DIAPH2: variants seen among roughly 807,000 people sequenced by gnomAD.
DIAPH2 encodes the protein protein diaphanous homolog 2.
A neutral mutation model predicts 92.7 loss-of-function variants in DIAPH2; 35 were observed. The ratio of observed to expected loss-of-function variants is 0.38; its 90% CI spans 0.29 to 0.50. The LOEUF (loss-of-function observed/expected upper bound fraction) is 0.50. Among genes scored for constraint, DIAPH2 ranks in the 20% least tolerant of loss-of-function variants. The probability of loss-of-function intolerance (pLI) is 0.94; values close to 1 mark genes in which losing one functional copy is unlikely to be tolerated. For synonymous variants in DIAPH2, 301 were observed against 280.4 expected (o/e 1.07, Z -0.73); for missense variants, 701 against 819.5 (o/e 0.86, Z 1.77).
At chrX:96,900,213 G>A (rs1229531475) in intron 5 of DIAPH2, among the ~76,000 whole-genome samples, 2 of 111,643 alleles carry the variant, frequency 1.8e-5, no homozygotes, top group Non-Finnish European at 3.8e-5. Flanking sequence ...ATATTCCTGA[G>A]TGCTTTTTTG....
At chrX:97,396,341 C>G (rs1225254680) in intron 25 of DIAPH2, among the ~76,000 whole-genome samples, 1 of 110,991 alleles carries the variant, frequency 9.0e-6, no homozygotes, top group East Asian at 2.8e-4. Context: ...ATTGAATTCC[C>G]GAGCCCCTGG....
intron 17 of DIAPH2, among the ~76,000 whole-genome samples, chrX:96,972,447 T>C (rs1376592019): frequency 8.9e-6 from 1 of 111,949 alleles, no homozygotes; most frequent in Non-Finnish European, 1.9e-5. Flanking sequence ...AAACAGATTA[T>C]TTCTGTTGTA....
At chrX:97,518,585 G>A (rs1455692745) in intron 26 of DIAPH2, among the ~76,000 whole-genome samples, 1 of 109,059 alleles carries the variant, frequency 9.2e-6, no homozygotes, top group Non-Finnish European at 1.9e-5. Flanking sequence ...TATATATATA[G>A]TTTTTTCCAT....
In DIAPH2 at chrX:96,713,713, A is replaced by T. The variant is rs771553200; in HGVS notation, c.133-22045A>T. ...TCTCTATAGTTTTGCCTTTTCCAGA[A>T]TGACATATAGTTGGAATGATAGAGT... is the stretch of plus-strand genomic sequence containing the variant. On this transcript the variant is annotated intron_variant, in intron 1 of 26. Coordinates refer to ENST00000324765, the MANE Select transcript of DIAPH2 (RefSeq NM_006729.5). Among the ~76,000 whole-genome samples the T allele has an allele frequency of 3.6e-5, 4 of 111,861 alleles. No homozygotes were observed. The South Asian group carries it at 1.5e-3, about 43-fold the overall frequency.
chrX:96,895,956 T>A (rs185626024), intron 5 of DIAPH2, among the ~76,000 whole-genome samples: 1 of 111,780 alleles, frequency 8.9e-6, no homozygotes, highest in East Asian at 2.8e-4. Context: ...TTTTTCAAAC[T>A]GATTCCTAAT....
At chrX:97,161,094 G>C (rs1217665788) in intron 22 of DIAPH2, among the ~76,000 whole-genome samples, 7 of 102,164 alleles carry the variant, frequency 6.9e-5, no homozygotes, top group African/African-American at 2.1e-4. Context: ...ATAGTGGCGG[G>C]ATGCAGCCGG....
In DIAPH2 at chrX:97,601,287, A is replaced by AGC. The variant is rs2071593918; in HGVS notation, c.*1970_*1971insGC. The AGC allele has an allele frequency of 8.9e-6, 1 of 112,124 alleles. No homozygotes were observed. The highest frequency in any genetic ancestry group is 1.9e-5 in the Non-Finnish European group (1 of 53,120). 9.2% of individuals were successfully genotyped at this position (112,124 alleles called of 1,213,427 possible). The stretch of plus-strand genomic sequence containing the variant: ...TTGGGAGCATATGCCTTGCTATATT[A>AGC]TCAAGCTGGTCAAGGTAGAAATACT... On this transcript the variant is annotated 3_prime_UTR_variant, in exon 27 of 27. Coordinates refer to ENST00000324765, the MANE Select transcript of DIAPH2 (RefSeq NM_006729.5).
intron 4 of DIAPH2, among the ~76,000 whole-genome samples, chrX:96,788,424 A>C (rs761576488): frequency 6.2e-5 from 7 of 112,006 alleles, no homozygotes; most frequent in African/African-American, 1.9e-4. Flanking sequence ...AGGGTTTGAT[A>C]CTTAGTTGTT....
intron 22 of DIAPH2, among the ~76,000 whole-genome samples, chrX:97,167,232 CTT>C (rs113946170): frequency 3.7e-5 from 4 of 108,101 alleles, no homozygotes; most frequent in Non-Finnish European, 7.7e-5. Flanking sequence ...TATTCTGAAA[CTT>C]TTTTTTTTAT....
intron 7 of DIAPH2, among the ~76,000 whole-genome samples, chrX:96,915,433 CCATATATTTTCCTATTTAT>C (rs1174300489): frequency 2.8e-5 from 3 of 107,035 alleles, no homozygotes; most frequent in Non-Finnish European, 5.8e-5. Context: ...GGTCTTATCT[CCATATATTTTCCTATTTAT>C]TATGACCTGT....
intron 1 of DIAPH2, among the ~76,000 whole-genome samples, chrX:96,692,831 C>T (rs1042616155): frequency 3.6e-5 from 4 of 112,129 alleles, no homozygotes; most frequent in Non-Finnish European, 7.5e-5. Context: ...ATTCACACCC[C>T]ACCACAACAA....
chrX:97,117,326 T>C (rs938123397), intron 21 of DIAPH2, among the ~76,000 whole-genome samples: 1 of 112,054 alleles, frequency 8.9e-6, no homozygotes, highest in African/African-American at 3.2e-5. Flanking sequence ...CTTAGTTCTG[T>C]ATTATGTTTG....
At chrX:97,236,962 A>C (rs1236705457) in intron 22 of DIAPH2, among the ~76,000 whole-genome samples, 1 of 112,138 alleles carries the variant, frequency 8.9e-6, no homozygotes, top group East Asian at 2.8e-4. Flanking sequence ...TTGTCAAAAC[A>C]TTGTTTGACA....
chrX:96,858,563 T>C, intron 4 of DIAPH2, among the ~76,000 whole-genome samples: 1 of 112,077 alleles, frequency 8.9e-6, no homozygotes, highest in East Asian at 2.8e-4. Flanking sequence ...GGATTCACCA[T>C]GCAGGATGCT....
Position 97,157,041 on chromosome X carries a change from G to T in DIAPH2, c.2719+15247G>T, listed in dbSNP as rs754946953. ...AATTAATAATGTTTACTGGCCGGGC[G>T]CGGTGGCTCACGCCTGTAATCCCAG... On this transcript the variant is annotated intron_variant, in intron 22 of 26. Coordinates refer to ENST00000324765, the MANE Select transcript of DIAPH2 (RefSeq NM_006729.5). 3.6e-5 allele frequency among the ~76,000 whole-genome samples: 4 copies of T among 111,415 alleles called. No individual in the cohort carries two copies. The East Asian group carries it at 1.1e-3, about 32-fold the overall frequency.
intron 23 of DIAPH2, among the ~76,000 whole-genome samples, chrX:97,270,052 T>C (rs1009079680): frequency 9.0e-6 from 1 of 111,226 alleles, no homozygotes; most frequent in Non-Finnish European, 1.9e-5. Context: ...TGCCTCAGCC[T>C]CCTGAGTAGC....
intron 23 of DIAPH2, among the ~76,000 whole-genome samples, chrX:97,289,145 C>G (rs1008386767): frequency 8.1e-5 from 9 of 111,413 alleles, no homozygotes; most frequent in African/African-American, 2.9e-4. Context: ...AGAAATCTTG[C>G]TCTCTAAATT....
intron 24 of DIAPH2, among the ~76,000 whole-genome samples, chrX:97,349,669 T>C (rs1013583065): frequency 3.6e-5 from 4 of 111,169 alleles, no homozygotes; most frequent in Non-Finnish European, 5.6e-5. Flanking sequence ...TCCAGAAGTA[T>C]GATCATATGT....
chrX:97,099,551 G>T, intron 19 of DIAPH2, 143 bp from the exon 20 acceptor site: 2 of 329,523 alleles, frequency 6.1e-6, no homozygotes, highest in Non-Finnish European at 1.0e-5. Context: ...TTGGAGGGGC[G>T]GGGAAGGGCG....
Sources: gnomAD v4.1 joint callset for allele counts (sites outside exome capture counted in the v4.1 genomes callset) on GRCh38, gnomAD v4.1.1 for gene constraint, MANE v1.5 for transcripts, NCBI Gene and HGNC (gene_info 2026-07-23, HGNC 2026-07-21) for gene names.